ARHGEF38: variants seen among roughly 807,000 people sequenced by gnomAD.
ARHGEF38 encodes Rho guanine nucleotide exchange factor 38.
Under a neutral mutation model 79.9 loss-of-function variants are expected in ARHGEF38, and 79 were observed. The ratio of observed to expected loss-of-function variants is 0.99; its 90% CI spans 0.82 to 1.19. The LOEUF (loss-of-function observed/expected upper bound fraction) is 1.19. ARHGEF38 is among the 50% of genes most tolerant of loss of function. The probability of loss-of-function intolerance (pLI) is 0.00; values close to 1 mark genes in which losing one functional copy is unlikely to be tolerated. For missense variants in ARHGEF38, 962 were observed against 907.2 expected, an observed-to-expected ratio of 1.06 and a Z score of -0.78; for synonymous variants, 366 against 328.3, an observed-to-expected ratio of 1.11 and a Z score of -1.24.
At chr4:105,613,579 G>A in intron 3 of ARHGEF38, 72 bp downstream of exon 3, 2 of 1,559,142 alleles carry the variant, frequency 1.3e-6, no homozygotes, top group Non-Finnish European at 1.7e-6. Flanking sequence ...CTTTGCTTTG[G>A]TTTTTTGTTC....
At chr4:105,564,271 A>T (rs1217046208) in intron 1 of ARHGEF38, among the ~76,000 whole-genome samples, 1 of 152,210 alleles carries the variant, frequency 6.6e-6, no homozygotes, top group Non-Finnish European at 1.5e-5. Flanking sequence ...CATTAATATG[A>T]TACGTATATT....
intron 3 of ARHGEF38, among the ~76,000 whole-genome samples, chr4:105,616,696 A>G (rs1211816675): frequency 1.3e-5 from 2 of 152,152 alleles, no homozygotes; most frequent in Non-Finnish European, 2.9e-5. Context: ...ATCTCAAGAA[A>G]GTTGCTGAGC....
In ARHGEF38 at chr4:105,648,625, C is replaced by T; in HGVS notation, c.951C>T (p.Ser317=). Residue 317 remains serine (S), a synonymous_variant, in exon 7 of 14, where the codon AGC becomes AGT. Transcript: ENST00000420470. ...CTAAACTAAATATTCATTCAATTAG[C>T]AAGAAATCAAAAAGAGTGACAAATC... ...KLSKLNIHSI[S]KKSKRVTNHL... is the part of the protein sequence containing the mutation. The T allele has an allele frequency of 6.5e-7, 1 of 1,532,236 alleles. No homozygotes were observed. The highest frequency in any genetic ancestry group is 8.7e-7 in the Non-Finnish European group (1 of 1,145,350). 94.9% of individuals were successfully genotyped at this position (1,532,236 alleles called of 1,614,324 possible).
chr4:105,676,218 G>C (rs936233195), intron 13 of ARHGEF38, among the ~76,000 whole-genome samples: 8 of 152,164 alleles, frequency 5.3e-5, no homozygotes, highest in Non-Finnish European at 2.9e-5. Flanking sequence ...TCTCAAGTTT[G>C]AGAGTTAATC....
At chr4:105,666,360 T>A in intron 11 of ARHGEF38, 40 bp downstream of exon 11, 4 of 1,474,572 alleles carry the variant, frequency 2.7e-6, no homozygotes, top group Non-Finnish European at 3.6e-6. Flanking sequence ...AACTTTCACC[T>A]CTTTGCCTTA....
chr4:105,581,564 C>T (rs1352501581), intron 1 of ARHGEF38, among the ~76,000 whole-genome samples: 1 of 152,090 alleles, frequency 6.6e-6, no homozygotes, highest in Non-Finnish European at 1.5e-5. Flanking sequence ...CATTATACAA[C>T]TCAACTATTT....
intron 5 of ARHGEF38, among the ~76,000 whole-genome samples, chr4:105,639,840 T>C (rs1729547536): frequency 1.3e-5 from 2 of 152,096 alleles, no homozygotes; most frequent in South Asian, 4.1e-4. Context: ...TTACAATTTT[T>C]TGAGTATTCT....
intron 3 of ARHGEF38, among the ~76,000 whole-genome samples, chr4:105,622,707 G>C (rs887472149): frequency 6.6e-6 from 1 of 152,170 alleles, no homozygotes; most frequent in African/African-American, 2.4e-5. Context: ...TGTGGCTTTT[G>C]ATATCATCCC....
intron 3 of ARHGEF38, among the ~76,000 whole-genome samples, chr4:105,625,126 G>C: frequency 6.6e-6 from 1 of 152,166 alleles, no homozygotes; most frequent in East Asian, 1.9e-4. Flanking sequence ...CATTATCTTA[G>C]TTGGTTTTTA....
intron 13 of ARHGEF38, among the ~76,000 whole-genome samples, chr4:105,669,383 G>T (rs1055681897): frequency 3.9e-5 from 6 of 152,094 alleles, no homozygotes; most frequent in Non-Finnish European, 8.8e-5. Context: ...TTCAAGGAAG[G>T]GGCTTGTCCA....
chr4:105,657,738 C>A (rs1163293575), intron 9 of ARHGEF38, among the ~76,000 whole-genome samples: 1 of 152,110 alleles, frequency 6.6e-6, no homozygotes, highest in African/African-American at 2.4e-5. Context: ...TATTGACTAT[C>A]TCATAAGCTA....
chr4:105,599,333 CA>C (rs1211481482), intron 2 of ARHGEF38, among the ~76,000 whole-genome samples: 2 of 152,122 alleles, frequency 1.3e-5, no homozygotes, highest in Admixed American at 1.3e-4. Context: ...CCAGATCGAT[CA>C]GAATCTGCTG....
intron 7 of ARHGEF38, among the ~76,000 whole-genome samples, chr4:105,652,836 T>C (rs1730161722): frequency 6.6e-6 from 1 of 152,234 alleles, no homozygotes; most frequent in African/African-American, 2.4e-5. Flanking sequence ...CTCTGCTGCC[T>C]ATTTAATCAA....
At chr4:105,611,960 A>G (rs1728313446) in intron 2 of ARHGEF38, among the ~76,000 whole-genome samples, 1 of 152,110 alleles carries the variant, frequency 6.6e-6, no homozygotes, top group Non-Finnish European at 1.5e-5. Context: ...ATTTCCCAAG[A>G]TGGTTGAAAG....
At chr4:105,641,099 T>C (rs1276162070) in intron 5 of ARHGEF38, among the ~76,000 whole-genome samples, 1 of 152,152 alleles carries the variant, frequency 6.6e-6, no homozygotes, top group Non-Finnish European at 1.5e-5. Flanking sequence ...TAGTAGATGA[T>C]GAAGTTCCTA....
chr4:105,582,191 C>T (rs1264131698), intron 1 of ARHGEF38, among the ~76,000 whole-genome samples: 1 of 147,182 alleles, frequency 6.8e-6, no homozygotes, highest in African/African-American at 2.5e-5. Flanking sequence ...ATCTCGTATT[C>T]CTTGCAATGT....
chr4:105,621,354 T>C (rs1217092003), intron 3 of ARHGEF38, among the ~76,000 whole-genome samples: 1 of 152,244 alleles, frequency 6.6e-6, no homozygotes, highest in Non-Finnish European at 1.5e-5. Context: ...TTCAAAGTAT[T>C]AAAACAAGAC....
chr4:105,557,670 G>A lies in ARHGEF38; in HGVS notation c.196+4709G>A, dbSNP rs908742501. Among the ~76,000 whole-genome samples, 9 of 151,730 alleles carry A rather than the reference G, an allele frequency of 5.9e-5. No homozygotes were observed. The East Asian group carries it at 1.4e-3, about 23-fold the overall frequency. ...CAGCCATGTCAGGATACAAGAAGGT[G>A]GCCATGTGCAAACCAGGGAGTGGGC... On this transcript the variant is annotated intron_variant, in intron 1 of 13. Transcript: ENST00000420470.
intron 5 of ARHGEF38, among the ~76,000 whole-genome samples, chr4:105,641,003 C>T (rs1729595292): frequency 6.6e-6 from 1 of 152,138 alleles, no homozygotes; most frequent in Admixed American, 6.5e-5. Flanking sequence ...TTCTTTTAAC[C>T]TGCAAATTCC....
Sources: allele counts gnomAD v4.1 joint callset (sites outside exome capture counted in the v4.1 genomes callset), GRCh38; gene constraint gnomAD v4.1.1; transcripts MANE v1.5; gene names NCBI Gene and HGNC (gene_info 2026-07-23, HGNC 2026-07-21).